KIRREL3: variants seen among roughly 807,000 people sequenced by gnomAD.
The protein encoded by KIRREL3 is kin of IRRE-like protein 3.
KIRREL3 carries 36 observed loss-of-function variants against 89.7 expected under a neutral mutation model. The observed-to-expected ratio is 0.40, with a 90% CI of 0.31 to 0.53. The LOEUF (loss-of-function observed/expected upper bound fraction) is 0.53, where lower values mean the gene tolerates loss of function less well. Ranked by LOEUF, KIRREL3 falls within the 20% of genes least tolerant of loss-of-function variation. KIRREL3 has a pLI of 0.49. For synonymous variants in KIRREL3, 445 were observed against 441.4 expected (o/e 1.01, Z -0.10); for missense variants, 864 against 1,056.6 (o/e 0.82, Z 2.53).
intron 4 of KIRREL3, among the ~76,000 whole-genome samples, chr11:126,494,658 G>A (rs1220236364): frequency 6.6e-6 from 1 of 152,192 alleles, no homozygotes; most frequent in African/African-American, 2.4e-5. Context: ...GTTTTATTCT[G>A]TTCCCAGAGA....
intron 13 of KIRREL3, among the ~76,000 whole-genome samples, chr11:126,434,979 A>G (rs1418390160): frequency 6.6e-6 from 1 of 151,960 alleles, no homozygotes; most frequent in East Asian, 1.9e-4. Flanking sequence ...TCCTGAAGAG[A>G]AAGGATGGAA....
chr11:126,923,213 CTTCTTCTTCTTCT>C (rs1947492803), intron 1 of KIRREL3, among the ~76,000 whole-genome samples: 1 of 19,220 alleles, frequency 5.2e-5, no homozygotes, highest in African/African-American at 2.9e-4. Context: ...TCTTCTTCTT[CTTCTTCTTCTTCT>C]TCTTCTTCTT....
At position 126,729,676 on chromosome 11, in the gene KIRREL3, G is replaced by A. The variant is rs563316394; in HGVS notation, c.56-166764C>T. Among the ~76,000 whole-genome samples the A allele has an allele frequency of 6.0e-5, 9 of 149,570 alleles. No homozygotes were observed. Among genetic ancestry groups the A allele is most frequent in the Non-Finnish European group, 1.2e-4 (8 of 66,958 alleles). ...GTGGGTGTGAACCTGGGGACCCTCC[G>A]TAGATACTCATGGGGCCCCGGGCAC... On this transcript the variant is annotated intron_variant, in intron 1 of 16. Coordinates refer to ENST00000525144, the MANE Select transcript of KIRREL3 (RefSeq NM_032531.4). This position sits in a 1 kb window ranked among gnomAD's most constrained non-coding sequence, Gnocchi z 4.5.
intron 1 of KIRREL3, among the ~76,000 whole-genome samples, chr11:126,871,777 G>C (rs1831140640): frequency 6.6e-6 from 1 of 152,186 alleles, no homozygotes; most frequent in Non-Finnish European, 1.5e-5. Context: ...GATCAGAGGA[G>C]ACCTGAGTCT....
intron 1 of KIRREL3, among the ~76,000 whole-genome samples, chr11:126,706,199 G>A (rs1047431125): frequency 3.9e-5 from 6 of 152,200 alleles, no homozygotes; most frequent in Admixed American, 3.3e-4. Context: ...TTTATTTCCA[G>A]TGGCTATATT....
rs1321384552 is a variant in KIRREL3 at position 126,423,744 on chromosome 11, A to T, written c.*836T>A. On this transcript the variant is annotated 3_prime_UTR_variant, in exon 17 of 17. Transcript: ENST00000525144. ...CCAGAGAAGCTCCCGCACTTCTTAT[A>T]TGAACTCCGATTGTGCTGAGGGGGA... 6.6e-6 allele frequency: 1 copy of T among 152,082 alleles called. No individual in the cohort carries two copies. The highest frequency in any genetic ancestry group is 2.4e-5 in the African/African-American group (1 of 41,368). 9.4% of individuals were successfully genotyped at this position (152,082 alleles called of 1,614,324 possible).
At position 126,624,568 on chromosome 11, in the gene KIRREL3, C is replaced by T. The variant is rs1943703604; in HGVS notation, c.56-61656G>A. 6.6e-6 allele frequency among the ~76,000 whole-genome samples: 1 copy of T among 152,220 alleles called. No individual in the cohort carries two copies. ...GTGCCTTCCCAGTGTGCTTGGAACA[C>T]TCTACTGTGTTATTCACCTGACGGA... On this transcript the variant is annotated intron_variant, in intron 1 of 16. Coordinates refer to ENST00000525144, the MANE Select transcript of KIRREL3 (RefSeq NM_032531.4). This position sits in a 1 kb window ranked among gnomAD's most constrained non-coding sequence, Gnocchi z 6.0.
In KIRREL3 at chr11:126,906,537, G is replaced by T. The variant is rs1156402907; in HGVS notation, c.55+93918C>A. 6.6e-6 allele frequency among the ~76,000 whole-genome samples: 1 copy of T among 152,164 alleles called. No individual in the cohort carries two copies. The highest frequency in any genetic ancestry group is 6.5e-5 in the Admixed American group (1 of 15,282). ...GTAACTTTAATCTCCCTCCAGCAGA[G>T]AAGTGGATAGGGACCCCCCTGCCAT... On this transcript the variant is annotated intron_variant, in intron 1 of 16. Coordinates refer to ENST00000525144, the MANE Select transcript of KIRREL3 (RefSeq NM_032531.4). The surrounding 1 kb of genome is among the most constrained non-coding windows in gnomAD (Gnocchi z 4.1).
intron 1 of KIRREL3, among the ~76,000 whole-genome samples, chr11:126,855,426 C>T (rs1156976239): frequency 2.0e-5 from 3 of 152,166 alleles, no homozygotes; most frequent in Non-Finnish European, 4.4e-5. Context: ...CCTGAGGCCT[C>T]CCCAGCCATG....
At chr11:126,932,791 A>G (rs1948008978) in intron 1 of KIRREL3, among the ~76,000 whole-genome samples, 2 of 152,228 alleles carry the variant, frequency 1.3e-5, no homozygotes, top group African/African-American at 4.8e-5. Context: ...ATTGCTTGAG[A>G]TTTCACCTCC....
rs1238361037 is a variant in KIRREL3 at position 126,755,413 on chromosome 11, G to T, written c.56-192501C>A. Among the ~76,000 whole-genome samples the T allele has an allele frequency of 1.3e-5, 2 of 152,074 alleles. No individual in the cohort carries two copies. The highest frequency in any genetic ancestry group is 3.9e-4 in the East Asian group (2 of 5,190). ...CAGGAAAAGAACCCAGCTTCATGAAGAAATTCTAATTTTCAGCAGTCATGG... is the reference window on the plus strand; with the variant it reads ...CAGGAAAAGAACCCAGCTTCATGAATAAATTCTAATTTTCAGCAGTCATGG... On this transcript the variant is annotated intron_variant, in intron 1 of 16. Coordinates refer to ENST00000525144, the MANE Select transcript of KIRREL3 (RefSeq NM_032531.4). The surrounding 1 kb of genome is among the most constrained non-coding windows in gnomAD (Gnocchi z 4.3).
intron 1 of KIRREL3, among the ~76,000 whole-genome samples, chr11:126,966,468 G>A (rs1949274922): frequency 6.6e-6 from 1 of 152,084 alleles, no homozygotes; most frequent in Non-Finnish European, 1.5e-5. Flanking sequence ...TCCTATCCTT[G>A]CTTTATATTT....
At chr11:126,450,618 C>T (rs17514135) in intron 7 of KIRREL3, among the ~76,000 whole-genome samples, 9,008 of 132,382 alleles carry the variant, frequency 0.068, 498 homozygotes, top group East Asian at 0.29. Context: ...TCGGCGTGTG[C>T]GAGCATGTGC....
intron 1 of KIRREL3, among the ~76,000 whole-genome samples, chr11:126,580,694 G>A (rs1261358087): frequency 1.3e-5 from 2 of 152,136 alleles, no homozygotes; most frequent in African/African-American, 4.8e-5. Flanking sequence ...CCCTGGACAA[G>A]CAGGGCCACG....
At chr11:126,499,978 A>G (rs768431434) in intron 4 of KIRREL3, among the ~76,000 whole-genome samples, 2 of 152,202 alleles carry the variant, frequency 1.3e-5, no homozygotes, top group Non-Finnish European at 2.9e-5. Context: ...GTCTGATACA[A>G]TGCTTTTGCA....
chr11:126,864,918 A>G (rs1162220279), intron 1 of KIRREL3, among the ~76,000 whole-genome samples: 2 of 152,058 alleles, frequency 1.3e-5, no homozygotes, highest in Non-Finnish European at 2.9e-5. Context: ...CTGTTTTCCT[A>G]CTGGCCTTAG....
chr11:126,708,629 C>T lies in KIRREL3; in HGVS notation c.56-145717G>A, dbSNP rs762399861. 3.9e-5 allele frequency among the ~76,000 whole-genome samples: 6 copies of T among 152,146 alleles called. No individual in the cohort carries two copies. Among genetic ancestry groups the T allele is most frequent in the African/African-American group, 9.7e-5 (4 of 41,434 alleles). ...TCGGCTCAACGTCCAGGAGAGGCAC[C>T]GGCGAACTCGAGAGCCAAGAGCGGC... On this transcript the variant is annotated intron_variant, in intron 1 of 16. Transcript: ENST00000525144. This position sits in a 1 kb window ranked among gnomAD's most constrained non-coding sequence, Gnocchi z 5.7.
intron 1 of KIRREL3, among the ~76,000 whole-genome samples, chr11:126,816,138 A>G (rs1460179603): frequency 6.6e-6 from 1 of 152,270 alleles, no homozygotes; most frequent in African/African-American, 2.4e-5. Context: ...CTGTATAAAG[A>G]TAATTGCCGT....
In KIRREL3 at chr11:126,652,083, A is replaced by G. The variant is rs11220571; in HGVS notation, c.56-89171T>C. Among the ~76,000 whole-genome samples, 13,189 of 152,232 alleles carry G rather than the reference A, an allele frequency of 0.087. 625 individuals carry two copies. Among genetic ancestry groups the G allele is most frequent in the Middle Eastern group, 0.16 (47 of 294 alleles). On this transcript the variant is annotated intron_variant, in intron 1 of 16. Coordinates refer to ENST00000525144, the MANE Select transcript of KIRREL3 (RefSeq NM_032531.4). This position sits in a 1 kb window ranked among gnomAD's most constrained non-coding sequence, Gnocchi z 4.9. ...GGTGAGGGCTCATCAATTCTGGGCC[A>G]GGAGGAAGATAGGCACTAGTAGGTC...
Sources: allele counts gnomAD v4.1 joint callset (sites outside exome capture counted in the v4.1 genomes callset), GRCh38; gene constraint gnomAD v4.1.1; non-coding constraint Gnocchi (gnomAD v3.1); transcripts MANE v1.5; gene names NCBI Gene and HGNC (gene_info 2026-07-23, HGNC 2026-07-21).